IL12RB2: variants seen among roughly 807,000 people sequenced by gnomAD.
IL12RB2 encodes interleukin-12 receptor subunit beta-2.
Under a neutral mutation model 89.4 loss-of-function variants are expected in IL12RB2, and 82 were observed. The ratio of observed to expected loss-of-function variants is 0.92; its 90% CI spans 0.77 to 1.10. IL12RB2 has a LOEUF of 1.10. IL12RB2 is among the 50% of genes least tolerant of loss of function. The pLI, the probability that IL12RB2 is intolerant of heterozygous loss-of-function variation, is 0.00. For synonymous variants in IL12RB2, 368 were observed against 370.1 expected (o/e 0.99, Z 0.07); for missense variants, 963 against 1,031.9 (o/e 0.93, Z 0.92).
rs1665641436 is a variant in IL12RB2 at position 67,390,100 on chromosome 1, C to T, written c.2018C>T (p.Thr673Ile). The T allele has an allele frequency of 7.5e-7, 1 of 1,326,294 alleles. No individual in the cohort carries two copies. Among genetic ancestry groups the T allele is most frequent in the Non-Finnish European group, 1.1e-6 (1 of 916,852 alleles). 82.2% of individuals were successfully genotyped at this position (1,326,294 alleles called of 1,614,324 possible). ...GAAATTCCAGATCCAGCAAATAGCA[C>T]TTGCGCTAAGAAATATCCCATTGCA... ...SREIPDPANS[T>I]CAKKYPIAEE... Residue 673 changes from threonine (T) to isoleucine (I), a missense_variant, in exon 16 of 17, where the codon ACT (threonine) becomes ATT (isoleucine). Transcript: ENST00000674203.
chr1:67,332,218 A>AT (rs34139483), intron 8 of IL12RB2, among the ~76,000 whole-genome samples: 90 of 135,630 alleles, frequency 6.6e-4, no homozygotes, highest in African/African-American at 1.5e-3. Flanking sequence ...TATTAATTGC[A>AT]TTTTTTTTTT....
At chr1:67,392,252 T>C (rs1403341892) in intron 16 of IL12RB2, among the ~76,000 whole-genome samples, 2 of 152,086 alleles carry the variant, frequency 1.3e-5, no homozygotes, top group Non-Finnish European at 2.9e-5. Flanking sequence ...GCATTATCAA[T>C]AGAAGCAAAA....
chr1:67,314,848 C>T (rs1655561941), intron 2 of IL12RB2, among the ~76,000 whole-genome samples: 1 of 151,020 alleles, frequency 6.6e-6, no homozygotes, highest in African/African-American at 2.4e-5. Flanking sequence ...CCCCCATCCC[C>T]GATCTGAGAC....
chr1:67,360,928 T>C (rs547587977), intron 10 of IL12RB2, among the ~76,000 whole-genome samples: 1 of 152,244 alleles, frequency 6.6e-6, no homozygotes, highest in South Asian at 2.1e-4. Flanking sequence ...ACATATCTAA[T>C]TCCATCCTAG....
chr1:67,393,078 G>T (rs758046108), intron 16 of IL12RB2, among the ~76,000 whole-genome samples: 1 of 152,178 alleles, frequency 6.6e-6, no homozygotes, highest in Non-Finnish European at 1.5e-5. Context: ...CTTGAAGAAG[G>T]TGGACTGTTT....
intron 1 of IL12RB2, among the ~76,000 whole-genome samples, chr1:67,311,363 G>T (rs986870348): frequency 6.6e-6 from 1 of 152,186 alleles, no homozygotes; most frequent in Non-Finnish European, 1.5e-5. Flanking sequence ...GACTAACAGA[G>T]CATCAAGCTT....
chr1:67,371,937 A>AT (rs1663387380), intron 11 of IL12RB2, among the ~76,000 whole-genome samples: 4 of 152,218 alleles, frequency 2.6e-5, no homozygotes, highest in Admixed American at 2.0e-4. Context: ...TAGAAAAGCT[A>AT]TTCAGGTTCT....
Position 67,386,682 on chromosome 1 carries a change from C to T in IL12RB2, c.1946+13C>T. 1 of 1,543,374 alleles carries T rather than the reference C, an allele frequency of 6.5e-7. No individual in the cohort carries two copies. ...ACTTCCAGCAAAAGTGAGTTGGTTA[C>T]ACCTACCAAGTGGGTAAATGAGGCT... On this transcript the variant is annotated intron_variant, in intron 15 of 16. Transcript: ENST00000674203.
intron 13 of IL12RB2, among the ~76,000 whole-genome samples, chr1:67,378,528 A>G (rs1457858812): frequency 1.3e-5 from 2 of 152,224 alleles, no homozygotes; most frequent in African/African-American, 4.8e-5. Flanking sequence ...TAGAGCCTAC[A>G]AATGGAAAAG....
intron 2 of IL12RB2, among the ~76,000 whole-genome samples, chr1:67,319,354 C>G (rs1656197756): frequency 6.6e-6 from 1 of 152,122 alleles, no homozygotes. Flanking sequence ...TCAGAAATTG[C>G]CAGCTTATGT....
At chr1:67,326,907 T>C in intron 5 of IL12RB2, 58 bp downstream of exon 5, 1 of 1,300,960 alleles carries the variant, frequency 7.7e-7, no homozygotes. Flanking sequence ...AAATGACATT[T>C]AGAAATATCT....
In IL12RB2 at chr1:67,315,221, C is replaced by T. The variant is rs17129752; in HGVS notation, c.-37+1221C>T. Among the ~76,000 whole-genome samples the T allele has an allele frequency of 4.0e-3, 614 of 151,838 alleles. 5 individuals carry two copies. Among genetic ancestry groups the T allele is most frequent in the African/African-American group, 0.014 (580 of 41,426 alleles). On this transcript the variant is annotated intron_variant, in intron 2 of 16. Coordinates refer to ENST00000674203, the MANE Select transcript of IL12RB2 (RefSeq NM_001374259.2). ...ATATAATATACACATATATTTTAAC[C>T]TATTTAATAATAGGACATAATATAT...
rs753251535 is a variant in IL12RB2 at position 67,379,996 on chromosome 1, C to G, written c.1728C>G (p.Tyr576Ter). ...NSQPQLCEIPYRVSQNSHPIN... is the reference protein window; with the variant it reads ...NSQPQLCEIP ...TTATCTTCCTTTCAGAAATTCCCTA[C>G]AGAGTCTCCCAAAATTCACATCCAA... is the stretch of plus-strand genomic sequence containing the variant. Residue 576 changes from tyrosine to a stop codon, truncating the protein, a stop_gained, in exon 14 of 17, where the codon TAC becomes TAG. Coordinates refer to ENST00000674203, the MANE Select transcript of IL12RB2 (RefSeq NM_001374259.2). LOFTEE classifies it high-confidence loss of function. 2.5e-6 allele frequency: 4 copies of G among 1,610,046 alleles called. No individual in the cohort carries two copies. The highest frequency in any genetic ancestry group is 3.4e-6 in the Non-Finnish European group (4 of 1,176,208).
chr1:67,367,451 G>A (rs965050069), intron 10 of IL12RB2, among the ~76,000 whole-genome samples: 4 of 96,816 alleles, frequency 4.1e-5, no homozygotes, highest in African/African-American at 4.3e-5. Context: ...AGGAAGGAAG[G>A]AAAGGAACGA....
intron 4 of IL12RB2, among the ~76,000 whole-genome samples, chr1:67,325,944 A>G (rs1558303301): frequency 6.6e-6 from 1 of 152,212 alleles, no homozygotes. Flanking sequence ...GCTTTATTTA[A>G]AAATACACAC....
In IL12RB2 at chr1:67,321,646, A is replaced by AT. The variant is rs1558298668; in HGVS notation, c.125dup (p.Leu42PhefsTer25). 6.2e-7 allele frequency: 1 copy of AT among 1,607,068 alleles called. No individual in the cohort carries two copies. The highest frequency in any genetic ancestry group is 2.2e-5 in the East Asian group (1 of 44,846). ...TGTGACTGTGAAGCCTTCCCATGTA[A>AT]TTTTACTTGGATCCACTGTCAATAT... On this transcript the variant is annotated frameshift_variant, in exon 4 of 17. Transcript: ENST00000674203. LOFTEE classifies it high-confidence loss of function.
At chr1:67,379,035 A>G (rs1664283515) in intron 13 of IL12RB2, among the ~76,000 whole-genome samples, 1 of 150,474 alleles carries the variant, frequency 6.6e-6, no homozygotes, top group African/African-American at 2.5e-5. Flanking sequence ...CCGTTCTACT[A>G]AAAATACAAA....
chr1:67,330,038 G>C (rs184621288), intron 7 of IL12RB2, among the ~76,000 whole-genome samples: 1 of 151,920 alleles, frequency 6.6e-6, no homozygotes, highest in African/African-American at 2.4e-5. Flanking sequence ...ATTTAAAAAA[G>C]ATATTGAAAA....
intron 3 of IL12RB2, among the ~76,000 whole-genome samples, chr1:67,320,927 A>G (rs1005392964): frequency 1.8e-3 from 30 of 16,304 alleles, no homozygotes; most frequent in African/African-American, 7.8e-3. Context: ...CGTGATGCCC[A>G]CCCCCACCCC....
Sources: allele counts gnomAD v4.1 joint callset (sites outside exome capture counted in the v4.1 genomes callset), GRCh38; gene constraint gnomAD v4.1.1; transcripts MANE v1.5; gene names NCBI Gene and HGNC (gene_info 2026-07-23, HGNC 2026-07-21).